TMEM64: variants seen among roughly 807,000 people sequenced by gnomAD.
The protein encoded by TMEM64 is transmembrane protein 64.
Under a neutral mutation model 24.5 loss-of-function variants are expected in TMEM64, and 19 were observed. That is an observed-to-expected ratio of 0.78 (90% CI 0.54 to 1.14). The LOEUF (loss-of-function observed/expected upper bound fraction) is 1.14, where lower values mean the gene tolerates loss of function less well. Ranked by LOEUF, TMEM64 falls within the 50% of genes most tolerant of loss-of-function variation. The pLI is 0.00. For missense variants in TMEM64, 487 were observed against 493.0 expected (o/e 0.99, Z 0.12); for synonymous variants, 262 against 224.7 (o/e 1.17, Z -1.49).
At position 90,635,567 on chromosome 8, in the gene TMEM64, T is replaced by C. The variant is rs11775981; in HGVS notation, c.796-3860A>G. On this transcript the variant is annotated intron_variant, in intron 1 of 2. Coordinates refer to ENST00000458549, the MANE Select transcript of TMEM64 (RefSeq NM_001008495.4). ...GGAAAACTACATGGGGTGATACTTGTTGGGGCCTTGGATAAAAGAGGAAGG... is the reference window on the plus strand; with the variant it reads ...GGAAAACTACATGGGGTGATACTTGCTGGGGCCTTGGATAAAAGAGGAAGG... Among the ~76,000 whole-genome samples the C allele has an allele frequency of 4.9e-3, 739 of 152,002 alleles. 6 individuals are homozygous for C. Among genetic ancestry groups the C allele is most frequent in the South Asian group, 0.012 (58 of 4,820 alleles).
intron 1 of TMEM64, among the ~76,000 whole-genome samples, chr8:90,636,266 A>T (rs1809515881): frequency 6.6e-6 from 1 of 152,016 alleles, no homozygotes; most frequent in Non-Finnish European, 1.5e-5. Context: ...TTTTATATAT[A>T]TTTTTTTGAG....
chr8:90,627,042 C>G (rs1409614251), intron 2 of TMEM64, among the ~76,000 whole-genome samples: 1 of 152,152 alleles, frequency 6.6e-6, no homozygotes. Context: ...GGAGCAAACA[C>G]AGCAGGTGTT....
At chr8:90,629,141 C>T (rs1030052506) in intron 2 of TMEM64, among the ~76,000 whole-genome samples, 4 of 152,110 alleles carry the variant, frequency 2.6e-5, no homozygotes, top group African/African-American at 9.7e-5. Flanking sequence ...GCATTAAATG[C>T]CTCCTGATAC....
chr8:90,626,888 A>G (rs1003335359), intron 2 of TMEM64, among the ~76,000 whole-genome samples: 8 of 152,148 alleles, frequency 5.3e-5, no homozygotes, highest in Admixed American at 4.6e-4. Context: ...TCAGCCTCCC[A>G]AAGTGCTGGG....
chr8:90,626,602 T>C (rs567588192), intron 2 of TMEM64, among the ~76,000 whole-genome samples: 35 of 151,490 alleles, frequency 2.3e-4, no homozygotes, highest in African/African-American at 8.0e-4. Flanking sequence ...TAGGAAGCTG[T>C]GGTCCCTCTG....
intron 1 of TMEM64, among the ~76,000 whole-genome samples, chr8:90,644,116 T>G (rs2130512916): frequency 6.9e-6 from 1 of 145,240 alleles, no homozygotes; most frequent in Admixed American, 6.6e-5. Flanking sequence ...TCTCTTTATT[T>G]CAGTAAGTTT....
chr8:90,625,921 A>G (rs1809352740), intron 2 of TMEM64, 59 bp from the exon 3 acceptor site: 1 of 1,305,678 alleles, frequency 7.7e-7, no homozygotes, highest in South Asian at 1.5e-5. Context: ...AAAGAAATAA[A>G]TCCAATAAAT....
intron 1 of TMEM64, among the ~76,000 whole-genome samples, chr8:90,635,525 C>T (rs1338787938): frequency 6.6e-6 from 1 of 151,844 alleles, no homozygotes; most frequent in Non-Finnish European, 1.5e-5. Flanking sequence ...ACACACAAAT[C>T]CCGTAAAATA....
chr8:90,631,667 G>C lies in TMEM64; in HGVS notation c.836C>G (p.Ser279Trp). Residue 279 changes from serine to tryptophan, a missense_variant, in exon 2 of 3, where the codon TCG becomes TGG. By Grantham distance (177) the Ser-to-Trp change is radical (BLOSUM62 -3). Coordinates refer to ENST00000458549, the MANE Select transcript of TMEM64 (RefSeq NM_001008495.4). ...AAGCTGGGTAGGAAGCAGTCCAACC[G>C]AAGATGCCATCAGATAGTTGGGTAA... is the stretch of plus-strand genomic sequence containing the variant. Reference protein sequence around the residue: ...LSLPNYLMASSVGLLPTQLLN... With the variant: ...LSLPNYLMASWVGLLPTQLLN... 5.6e-6 allele frequency: 9 copies of C among 1,613,682 alleles called. No individual in the cohort carries two copies. Among genetic ancestry groups the C allele is most frequent in the Non-Finnish European group, 7.6e-6 (9 of 1,179,634 alleles).
intron 2 of TMEM64, among the ~76,000 whole-genome samples, chr8:90,629,687 G>C (rs1399264989): frequency 1.3e-5 from 2 of 151,870 alleles, no homozygotes; most frequent in Non-Finnish European, 2.9e-5. Flanking sequence ...TAAACCAACT[G>C]TAACAAAAAC....
intron 2 of TMEM64, among the ~76,000 whole-genome samples, chr8:90,627,175 T>C (rs940161305): frequency 6.6e-6 from 1 of 152,040 alleles, no homozygotes. Flanking sequence ...GTATTCTAAA[T>C]CCAAGTGCTG....
rs930985670 is a variant in TMEM64, at chr8:90,624,612, C to A, written c.*1059G>T. ...GTACTGAAAAAACAAACACAATAAA[C>A]CTACTTAAAGTAGGGCAAATAACAA... On this transcript the variant is annotated 3_prime_UTR_variant, in exon 3 of 3. Transcript: ENST00000458549. 1.3e-5 allele frequency: 2 copies of A among 152,388 alleles called. No homozygotes were observed. The highest frequency in any genetic ancestry group is 6.6e-5 in the Admixed American group (1 of 15,246). The allele number at this position is 152,388 out of a possible 1,614,324, so 9.4% of individuals were successfully genotyped here. A position where few individuals can be genotyped will look rare whatever the true frequency, so the allele number is the denominator to read the frequency against.
intron 1 of TMEM64, among the ~76,000 whole-genome samples, chr8:90,640,016 G>C (rs982906230): frequency 3.3e-5 from 5 of 152,118 alleles, no homozygotes; most frequent in Non-Finnish European, 5.9e-5. Context: ...GAGACACAAA[G>C]AGGGGAAAAC....
intron 1 of TMEM64, among the ~76,000 whole-genome samples, chr8:90,643,254 C>G (rs1182870992): frequency 6.6e-6 from 1 of 152,186 alleles, no homozygotes; most frequent in Admixed American, 6.5e-5. Flanking sequence ...ACCTTGGTGA[C>G]CTTGGGTCAT....
chr8:90,637,068 C>T (rs1290274044), intron 1 of TMEM64, among the ~76,000 whole-genome samples: 2 of 152,152 alleles, frequency 1.3e-5, no homozygotes, highest in African/African-American at 4.8e-5. Context: ...AACATCACTT[C>T]ACCACTATAC....
At chr8:90,635,714 A>G (rs1809508778) in intron 1 of TMEM64, among the ~76,000 whole-genome samples, 1 of 152,236 alleles carries the variant, frequency 6.6e-6, no homozygotes, top group Admixed American at 6.5e-5. Context: ...ATTTCTTTAG[A>G]ATAAACATGT....
chr8:90,632,065 G>A (rs1446303739), intron 1 of TMEM64, among the ~76,000 whole-genome samples: 1 of 152,178 alleles, frequency 6.6e-6, no homozygotes, highest in African/African-American at 2.4e-5. Context: ...AATTAGCAGT[G>A]TGGTCGCTGA....
chr8:90,625,738 G>T lies in TMEM64; in HGVS notation c.1076C>A (p.Thr359Asn). ...SSLVKGNQPN[T>N]SGSSFYNKRT... ...CTTGTTGTAGAATGAAGAGCCACTG[G>T]TATTTGGTTGATTGCCTTTAACCAG... The change falls in exon 3 of 3, where the codon ACC becomes AAC. Residue 359 changes from threonine (T) to asparagine (N), a missense_variant. By Grantham distance (65) the Thr-to-Asn change is moderately conservative. This residue lies in a region of TMEM64 where 58 missense variants were observed against 58.2 expected (regional missense o/e 1.00). Transcript: ENST00000458549. 3.1e-6 allele frequency: 5 copies of T among 1,613,904 alleles called. No homozygotes were observed. Among genetic ancestry groups the T allele is most frequent in the Non-Finnish European group, 4.2e-6 (5 of 1,179,928 alleles).
chr8:90,635,628 G>T (rs1057447321), intron 1 of TMEM64, among the ~76,000 whole-genome samples: 1 of 152,084 alleles, frequency 6.6e-6, no homozygotes, highest in African/African-American at 2.4e-5. Flanking sequence ...AGGGAGTCTA[G>T]TCAAAGAATG....
Sources: allele counts gnomAD v4.1 joint callset (sites outside exome capture counted in the v4.1 genomes callset), GRCh38; gene constraint gnomAD v4.1.1; regional missense constraint gnomAD v4.1.1; transcripts MANE v1.5; gene names NCBI Gene and HGNC (gene_info 2026-07-23, HGNC 2026-07-21).